The following AGPS variants were observed in gnomAD, a reference collection of about 807,000 sequenced individuals.
AGPS encodes the protein alkyldihydroxyacetonephosphate synthase, peroxisomal.
In AGPS, 26 loss-of-function variants were observed where a neutral mutation model predicts 90.7. The ratio of observed to expected loss-of-function variants is 0.29; its 90% CI spans 0.21 to 0.40. The LOEUF (loss-of-function observed/expected upper bound fraction) is 0.40, where lower values mean the gene tolerates loss of function less well. Ranked by LOEUF, AGPS falls within the 10% of genes least tolerant of loss-of-function variation. The pLI is 1.00. For synonymous variants in AGPS, 294 were observed against 285.3 expected (o/e 1.03, Z -0.31); for missense variants, 540 against 816.1 (o/e 0.66, Z 4.12).
chr2:177,532,369 A>G (rs987894094), intron 19 of AGPS, among the ~76,000 whole-genome samples: 2 of 152,194 alleles, frequency 1.3e-5, no homozygotes, highest in Admixed American at 6.5e-5. Flanking sequence ...AATGTTCAAC[A>G]TCGTTAGCTA....
intron 3 of AGPS, among the ~76,000 whole-genome samples, chr2:177,436,297 G>A (rs188152250): frequency 7.9e-4 from 119 of 151,516 alleles, no homozygotes; most frequent in African/African-American, 2.7e-3. Context: ...GACTACAGGC[G>A]CCCGCCACCA....
intron 2 of AGPS, among the ~76,000 whole-genome samples, chr2:177,433,972 G>T (rs1686315768): frequency 1.3e-5 from 2 of 152,168 alleles, no homozygotes; most frequent in African/African-American, 2.4e-5. Flanking sequence ...AAGCCAGGAA[G>T]ACTGTAAATT....
chr2:177,404,395 G>A (rs1166037871), intron 1 of AGPS, among the ~76,000 whole-genome samples: 1 of 152,064 alleles, frequency 6.6e-6, no homozygotes, highest in Non-Finnish European at 1.5e-5. Flanking sequence ...CCTATTTACT[G>A]TTCAGGCAAA....
chr2:177,467,773 A>G (rs1485925694), intron 9 of AGPS, among the ~76,000 whole-genome samples: 3 of 152,108 alleles, frequency 2.0e-5, no homozygotes, highest in African/African-American at 7.2e-5. Flanking sequence ...TTGGATTTTT[A>G]CCTAACCACT....
chr2:177,416,884 AT>A (rs1685802122), intron 1 of AGPS, among the ~76,000 whole-genome samples: 1 of 152,094 alleles, frequency 6.6e-6, no homozygotes, highest in Admixed American at 6.6e-5. Context: ...AAGAATTGGA[AT>A]GTCTGAGATC....
At chr2:177,421,717 A>G (rs886910651) in intron 2 of AGPS, among the ~76,000 whole-genome samples, 2 of 152,106 alleles carry the variant, frequency 1.3e-5, no homozygotes, top group African/African-American at 2.4e-5. Context: ...TTTATGTTTT[A>G]TTTAAATAGA....
chr2:177,497,126 T>C (rs1013034753), intron 12 of AGPS, among the ~76,000 whole-genome samples: 3 of 152,040 alleles, frequency 2.0e-5, no homozygotes, highest in Non-Finnish European at 4.4e-5. Context: ...TTTAACAGAC[T>C]TTGAGACTCC....
intron 8 of AGPS, among the ~76,000 whole-genome samples, chr2:177,456,869 C>T (rs1480913331): frequency 6.6e-6 from 1 of 152,090 alleles, no homozygotes; most frequent in Non-Finnish European, 1.5e-5. Context: ...AACTCTCCAC[C>T]CCAAATCAAC....
intron 9 of AGPS, among the ~76,000 whole-genome samples, chr2:177,466,079 G>T (rs2105672074): frequency 6.6e-6 from 1 of 152,312 alleles, no homozygotes; most frequent in South Asian, 2.1e-4. Context: ...ATCCTGATGA[G>T]CATCCAGCTC....
intron 11 of AGPS, among the ~76,000 whole-genome samples, chr2:177,484,742 G>GA (rs959340146): frequency 5.9e-5 from 9 of 151,542 alleles, no homozygotes; most frequent in African/African-American, 9.7e-5. Context: ...CTAATTTTAT[G>GA]AAAAAAAATA....
intron 9 of AGPS, among the ~76,000 whole-genome samples, chr2:177,464,399 C>T (rs185304154): frequency 6.6e-6 from 1 of 152,142 alleles, no homozygotes; most frequent in East Asian, 1.9e-4. Context: ...AATTAAAGAA[C>T]GTGTTAATAT....
rs1688950181 is a variant in AGPS at position 177,513,849 on chromosome 2, A to G, written c.1638A>G (p.Glu546=). ...RVVDLCRNVK[E]RITRECKEKG... ...TAGATCTCTGTAGAAATGTAAAAGAAAGAATAACAAGGGAATGCAAAGAGA... is the reference window on the plus strand; with the variant it reads ...TAGATCTCTGTAGAAATGTAAAAGAGAGAATAACAAGGGAATGCAAAGAGA... The change falls in exon 17 of 20, where the codon GAA becomes GAG. Residue 546 remains glutamate (E), a synonymous_variant. Transcript: ENST00000264167. The G allele has an allele frequency of 1.2e-6, 2 of 1,613,524 alleles. No homozygotes were observed. Among genetic ancestry groups the G allele is most frequent in the Admixed American group, 3.3e-5 (2 of 60,012 alleles).
At chr2:177,445,482 T>G (rs1393490937) in intron 7 of AGPS, 64 bp from the exon 8 acceptor site, 1 of 1,387,694 alleles carries the variant, frequency 7.2e-7, no homozygotes, top group East Asian at 2.3e-5. Context: ...AATTAGGAAG[T>G]TATATTTCCT....
chr2:177,448,783 A>T (rs1352348603), intron 8 of AGPS, among the ~76,000 whole-genome samples: 1 of 152,218 alleles, frequency 6.6e-6, no homozygotes, highest in Non-Finnish European at 1.5e-5. Context: ...TAATGAACAT[A>T]TCCACCAACC....
At chr2:177,405,688 T>TTC (rs1553505846) in intron 1 of AGPS, among the ~76,000 whole-genome samples, 12 of 151,384 alleles carry the variant, frequency 7.9e-5, no homozygotes, top group Admixed American at 5.3e-4. Flanking sequence ...TTTTTTTTTT[T>TTC]CCCACCTTCC....
rs1574045965 is a variant in AGPS at position 177,543,320 on chromosome 2, G to A, written c.*5125G>A. 6.6e-6 allele frequency: 1 copy of A among 152,098 alleles called. No homozygotes were observed. The highest frequency in any genetic ancestry group is 1.5e-5 in the Non-Finnish European group (1 of 68,016). 9.4% of individuals were successfully genotyped at this position (152,098 alleles called of 1,614,324 possible). On this transcript the variant is annotated 3_prime_UTR_variant, in exon 20 of 20. Coordinates refer to ENST00000264167, the MANE Select transcript of AGPS (RefSeq NM_003659.4). ...CGTGTGATGGTGCCTTCAGAATAAC[G>A]AATATTTCTGTTCTGGACAATGATT...
At chr2:177,396,768 A>G (rs1434855597) in intron 1 of AGPS, among the ~76,000 whole-genome samples, 1 of 152,196 alleles carries the variant, frequency 6.6e-6, no homozygotes, top group Non-Finnish European at 1.5e-5. Context: ...ATCACACTTT[A>G]AAACTATGTA....
chr2:177,516,537 G>A (rs577565661), intron 17 of AGPS, among the ~76,000 whole-genome samples: 1 of 152,124 alleles, frequency 6.6e-6, no homozygotes, highest in African/African-American at 2.4e-5. Context: ...TTCTGAAATG[G>A]ACCCAAATTA....
intron 8 of AGPS, among the ~76,000 whole-genome samples, chr2:177,460,129 T>C (rs891814788): frequency 1.5e-4 from 23 of 152,032 alleles, no homozygotes; most frequent in East Asian, 5.8e-4. Flanking sequence ...TACACATGGA[T>C]ACAGGGAGAG....
Sources: gnomAD v4.1 joint callset for allele counts (sites outside exome capture counted in the v4.1 genomes callset) on GRCh38, gnomAD v4.1.1 for gene constraint, MANE v1.5 for transcripts, NCBI Gene and HGNC (gene_info 2026-07-23, HGNC 2026-07-21) for gene names.